The following SCIN variants were observed in gnomAD, a reference collection of about 807,000 sequenced individuals.
SCIN encodes adseverin.
In SCIN, 91 loss-of-function variants were observed where a neutral mutation model predicts 91.8. The observed-to-expected ratio is 0.99, with a 90% CI of 0.84 to 1.18. The LOEUF is 1.18. Ranked by LOEUF, SCIN falls within the 50% of genes most tolerant of loss-of-function variation. The pLI, the probability that SCIN is intolerant of heterozygous loss-of-function variation, is 0.00. For missense variants in SCIN, 1,087 were observed against 863.9 expected (o/e 1.26, Z -3.24); for synonymous variants, 367 against 312.6 (o/e 1.17, Z -1.84).
intron 1 of SCIN, among the ~76,000 whole-genome samples, chr7:12,573,608 A>G (rs1179116481): frequency 6.6e-6 from 1 of 152,188 alleles, no homozygotes; most frequent in African/African-American, 2.4e-5. Context: ...CTTTAAAAAC[A>G]TTTCAGCTTT....
intron 13 of SCIN, among the ~76,000 whole-genome samples, chr7:12,648,999 G>C (rs1376964347): frequency 6.6e-6 from 1 of 152,122 alleles, no homozygotes; most frequent in Non-Finnish European, 1.5e-5. Context: ...ACAGTGATTT[G>C]ATTGGTTACA....
Position 12,577,916 on chromosome 7 carries a change from C to T in SCIN, c.200-148C>T, listed in dbSNP as rs539199854. 228 of 672,864 alleles carry T rather than the reference C, an allele frequency of 3.4e-4. 2 individuals carry two copies. In the East Asian group the frequency reaches 6.0e-3, roughly 18 times the overall value. The allele number at this position is 672,864 out of a possible 1,614,324, so 41.7% of individuals were successfully genotyped here. A position where few individuals can be genotyped will look rare whatever the true frequency, so the allele number is the denominator to read the frequency against. The stretch of plus-strand genomic sequence containing the variant: ...TATTAGCAAAATAATGTATTACATA[C>T]AGTATTTTAGCTAAAAGATCTTTGT... On this transcript the variant is annotated intron_variant, in intron 1 of 15. Transcript: ENST00000297029.
At chr7:12,571,313 C>T in intron 1 of SCIN, 3 of 386,168 alleles carry the variant, frequency 7.8e-6, no homozygotes, top group South Asian at 2.8e-5. Context: ...TGTCCAGGGC[C>T]GCTGCCTCAG....
intron 2 of SCIN, among the ~76,000 whole-genome samples, 170 bp downstream of exon 2, chr7:12,578,388 G>C (rs78219961): frequency 6.6e-6 from 1 of 152,278 alleles, no homozygotes; most frequent in South Asian, 2.1e-4. Context: ...TGGATACAAA[G>C]TAGGTGTTCA....
At chr7:12,619,352 A>G (rs1034135950) in intron 4 of SCIN, among the ~76,000 whole-genome samples, 29 of 152,304 alleles carry the variant, frequency 1.9e-4, no homozygotes, top group African/African-American at 6.5e-4. Context: ...TATCCAAAGT[A>G]GGTAAAGTTG....
chr7:12,611,259 A>C (rs1261254755), intron 4 of SCIN: 2 of 152,238 alleles, frequency 1.3e-5, no homozygotes, highest in East Asian at 3.8e-4. Context: ...GGCTGTGCAC[A>C]TTGCTAGTGC....
In SCIN at chr7:12,651,941, A is replaced by G; in HGVS notation, c.2020+40A>G. Reference sequence around the variant, plus strand: ...TGGACCATTATAGCAGTAACCGGGCACCATTATGACCGAGTGTCTGGCTTG... The same window carrying G: ...TGGACCATTATAGCAGTAACCGGGCGCCATTATGACCGAGTGTCTGGCTTG... On this transcript the variant is annotated intron_variant, in intron 15 of 15. Coordinates refer to ENST00000297029, the MANE Select transcript of SCIN (RefSeq NM_001112706.3). The surrounding 1 kb of genome is among the most constrained non-coding windows in gnomAD (Gnocchi z 5.9). 1.5e-6 allele frequency: 2 copies of G among 1,363,494 alleles called. No individual in the cohort carries two copies. The highest frequency in any genetic ancestry group is 2.4e-5 in the East Asian group (1 of 42,002). The allele number at this position is 1,363,494 out of a possible 1,614,324, so 84.5% of individuals were successfully genotyped here.
chr7:12,657,568 ATATATTTTTTTTTTTTTT>A lies in SCIN; in HGVS notation c.*4855_*4872del, dbSNP rs1329881007. ...TATATATATATATATATATATATAT[ATATATTTTTTTTTTTTTT>A]TTTTTTTTTTTTGCATTGGCAAAAA... On this transcript the variant is annotated 3_prime_UTR_variant, in exon 16 of 16. Coordinates refer to ENST00000297029, the MANE Select transcript of SCIN (RefSeq NM_001112706.3). The A allele has an allele frequency of 4.8e-5, 1 of 20,638 alleles. No homozygotes were observed. Among genetic ancestry groups the A allele is most frequent in the African/African-American group, 1.6e-4 (1 of 6,290 alleles). 1.3% of individuals were successfully genotyped at this position (20,638 alleles called of 1,614,324 possible).
intron 3 of SCIN, among the ~76,000 whole-genome samples, chr7:12,592,939 G>T (rs1021747805): frequency 6.6e-6 from 1 of 152,164 alleles, no homozygotes; most frequent in African/African-American, 2.4e-5. Context: ...GGGAGCCGGG[G>T]CCCAGGGGCC....
At chr7:12,641,047 A>G (rs577159664) in intron 11 of SCIN, among the ~76,000 whole-genome samples, 1 of 152,320 alleles carries the variant, frequency 6.6e-6, no homozygotes, top group South Asian at 2.1e-4. Context: ...AGACAAGGCC[A>G]GCCTGCCCAG....
At chr7:12,583,714 A>T (rs1173415150) in intron 3 of SCIN, among the ~76,000 whole-genome samples, 3 of 152,092 alleles carry the variant, frequency 2.0e-5, no homozygotes, top group African/African-American at 7.2e-5. Context: ...GGTGGTAGAC[A>T]GGTTGTAGTT....
At chr7:12,578,267 C>T in intron 2 of SCIN, 49 bp downstream of exon 2, 2 of 1,464,910 alleles carry the variant, frequency 1.4e-6, no homozygotes, top group Non-Finnish European at 1.8e-6. Flanking sequence ...TCCTCTTGTC[C>T]ATCCATACCT....
chr7:12,638,032 A>T (rs1232301581), intron 10 of SCIN, among the ~76,000 whole-genome samples: 2 of 152,168 alleles, frequency 1.3e-5, no homozygotes, highest in Non-Finnish European at 2.9e-5. Flanking sequence ...TACTCTCCTA[A>T]GTTCAACTGC....
chr7:12,609,780 G>C lies in SCIN; in HGVS notation c.666+5117G>C, dbSNP rs775876324. On this transcript the variant is annotated intron_variant, in intron 4 of 15. Transcript: ENST00000297029. ...CAGGGAGATGGTAGGCAGATGCTGT[G>C]TTGCTGAACTGTTGTTGAACTCTTG... 1.7e-3 allele frequency among the ~76,000 whole-genome samples: 265 copies of C among 152,140 alleles called. 2 individuals are homozygous for C. Among genetic ancestry groups the C allele is most frequent in the Non-Finnish European group, 2.1e-3 (141 of 67,998 alleles).
rs186134571 is a variant in SCIN at position 12,605,989 on chromosome 7, C to T, written c.666+1326C>T. 2.2e-3 allele frequency among the ~76,000 whole-genome samples: 340 copies of T among 152,206 alleles called. 1 individual carries two copies. The highest frequency in any genetic ancestry group is 7.5e-3 in the African/African-American group (313 of 41,516). On this transcript the variant is annotated intron_variant, in intron 4 of 15. Transcript: ENST00000297029. ...TCTTTTAAGAATATTGCAGTGACTA[C>T]CTAAGTATATATATTGTATATATTC...
intron 13 of SCIN, among the ~76,000 whole-genome samples, chr7:12,646,567 C>G (rs1006312032): frequency 1.3e-5 from 2 of 152,124 alleles, no homozygotes; most frequent in Admixed American, 1.3e-4. Context: ...TGATTTTACA[C>G]TAGGCTCTGA....
intron 3 of SCIN, among the ~76,000 whole-genome samples, chr7:12,601,502 A>G (rs1035939483): frequency 1.3e-5 from 2 of 152,208 alleles, no homozygotes; most frequent in Non-Finnish European, 2.9e-5. Flanking sequence ...GACTAGATGA[A>G]ACGTGTGTGG....
At chr7:12,619,380 A>G (rs1783360778) in intron 4 of SCIN, among the ~76,000 whole-genome samples, 1 of 152,172 alleles carries the variant, frequency 6.6e-6, no homozygotes, top group Admixed American at 6.6e-5. Context: ...GGTAAAAAAT[A>G]AATAAATAAA....
chr7:12,577,685 C>T (rs1465226096), intron 1 of SCIN: 1 of 419,876 alleles, frequency 2.4e-6, no homozygotes, highest in Non-Finnish European at 4.6e-6. Flanking sequence ...GACCTTTTCC[C>T]TACAAAACAC....
Sources: allele counts gnomAD v4.1 joint callset (sites outside exome capture counted in the v4.1 genomes callset), GRCh38; gene constraint gnomAD v4.1.1; non-coding constraint Gnocchi (gnomAD v3.1); transcripts MANE v1.5; gene names NCBI Gene and HGNC (gene_info 2026-07-23, HGNC 2026-07-21).